Variants in IPMK observed in about 807,000 individuals in gnomAD.
IPMK encodes inositol 1,3,4,6-tetrakisphosphate 5-kinase.
Under a neutral mutation model 45.8 loss-of-function variants are expected in IPMK, and 17 were observed. The observed-to-expected ratio is 0.37, with a 90% CI of 0.25 to 0.56. The LOEUF is 0.56. Among genes scored for constraint, IPMK ranks in the 20% least tolerant of loss-of-function variants. IPMK has a pLI of 0.79. For synonymous variants in IPMK, 180 were observed against 184.3 expected, an observed-to-expected ratio of 0.98 and a Z score of 0.19; for missense variants, 399 against 498.0, an observed-to-expected ratio of 0.80 and a Z score of 1.89.
intron 2 of IPMK, among the ~76,000 whole-genome samples, chr10:58,231,409 T>C (rs758583028): frequency 1.3e-5 from 2 of 152,072 alleles, no homozygotes; most frequent in Non-Finnish European, 2.9e-5. Flanking sequence ...AAGGAAAAAG[T>C]GTCAAGGACA....
chr10:58,201,164 A>T (rs1314388954), intron 4 of IPMK, among the ~76,000 whole-genome samples: 1 of 152,216 alleles, frequency 6.6e-6, no homozygotes, highest in Non-Finnish European at 1.5e-5. Context: ...TAGAGAAAAA[A>T]TAAGTATAAT....
In IPMK at chr10:58,267,512, G is replaced by A; in HGVS notation, c.100C>T (p.Gln34Ter). ...AIESTPEGTPQPAGGRLRFLN... is the reference protein window; with the variant it reads ...AIESTPEGTP Reference sequence around the variant, plus strand: ...AAGCGGAGTCTGCCGCCCGCCGGCTGCGGGGTGCCCTCAGGGGTGGACTCG... The same window carrying A: ...AAGCGGAGTCTGCCGCCCGCCGGCTACGGGGTGCCCTCAGGGGTGGACTCG... Residue 34 changes from glutamine to a stop codon, truncating the protein, a stop_gained, in exon 1 of 6, where the codon CAG becomes TAG. Transcript: ENST00000373935. LOFTEE classifies it high-confidence loss of function. The A allele has an allele frequency of 6.2e-7, 1 of 1,613,344 alleles. No homozygotes were observed.
At chr10:58,224,682 T>C (rs1324019587) in intron 3 of IPMK, among the ~76,000 whole-genome samples, 1 of 152,204 alleles carries the variant, frequency 6.6e-6, no homozygotes, top group Non-Finnish European at 1.5e-5. Context: ...AGCATTTTAC[T>C]ACTTTGGATT....
chr10:58,196,061 A>G lies in IPMK; in HGVS notation c.*15T>C. 1 of 1,599,138 alleles carries G rather than the reference A, an allele frequency of 6.3e-7. No homozygotes were observed. ...TATGATTGGCCCACCCCTTAAAAAGACTGCAACAGAGGATTCAATTGTCTA... is the reference window on the plus strand; with the variant it reads ...TATGATTGGCCCACCCCTTAAAAAGGCTGCAACAGAGGATTCAATTGTCTA... On this transcript the variant is annotated 3_prime_UTR_variant, in exon 6 of 6. Transcript: ENST00000373935.
intron 4 of IPMK, among the ~76,000 whole-genome samples, chr10:58,206,704 T>C (rs1045616636): frequency 2.0e-5 from 3 of 152,132 alleles, no homozygotes; most frequent in Admixed American, 6.5e-5. Flanking sequence ...TCAGTGGTGA[T>C]TTCTGAGATC....
At chr10:58,235,202 C>T (rs1211537445) in intron 2 of IPMK, among the ~76,000 whole-genome samples, 2 of 152,190 alleles carry the variant, frequency 1.3e-5, no homozygotes, top group Admixed American at 1.3e-4. Context: ...AATAGGAACA[C>T]TTTTACACTG....
chr10:58,199,320 A>G lies in IPMK; in HGVS notation c.548T>C (p.Val183Ala). 6.3e-7 allele frequency: 1 copy of G among 1,597,818 alleles called. No individual in the cohort carries two copies. The highest frequency in any genetic ancestry group is 8.5e-7 in the Non-Finnish European group (1 of 1,171,228). ...EIGFLVLGMR[V>A]YHVHSDSYET... ...ATAGCTATCGGAATGAACATGATAA[A>G]CCTGTCAAAAAAAGCAGTGAATATT... The change falls in exon 5 of 6, where the codon GTT (valine) becomes GCT (alanine). Residue 183 changes from valine to alanine, a missense_variant and splice_region_variant. Coordinates refer to ENST00000373935, the MANE Select transcript of IPMK (RefSeq NM_152230.5).
rs1284563976 is a variant in IPMK, at chr10:58,198,948, C to T, written c.628+292G>A. On this transcript the variant is annotated intron_variant, in intron 5 of 5. Coordinates refer to ENST00000373935, the MANE Select transcript of IPMK (RefSeq NM_152230.5). ...TACAAAATAATTTTATACACAACCT[C>T]TAGTTCCAGTATTGAGTTAGATGGC... Among the ~76,000 whole-genome samples, 4 of 151,952 alleles carry T rather than the reference C, an allele frequency of 2.6e-5. No individual in the cohort carries two copies. In the East Asian group the frequency reaches 5.8e-4, roughly 22 times the overall value.
intron 4 of IPMK, among the ~76,000 whole-genome samples, chr10:58,206,467 C>T (rs1480624757): frequency 2.6e-5 from 4 of 152,258 alleles, no homozygotes; most frequent in Admixed American, 6.5e-5. Flanking sequence ...AATGACATCT[C>T]GCTAAAGCTA....
chr10:58,221,418 T>G (rs938441899), intron 3 of IPMK, among the ~76,000 whole-genome samples: 1 of 151,992 alleles, frequency 6.6e-6, no homozygotes, highest in African/African-American at 2.4e-5. Context: ...AGGTTATAGA[T>G]AGTAAAGATT....
chr10:58,227,359 C>T lies in IPMK; in HGVS notation c.277-220G>A, dbSNP rs560078806. On this transcript the variant is annotated intron_variant, in intron 2 of 5. Coordinates refer to ENST00000373935, the MANE Select transcript of IPMK (RefSeq NM_152230.5). ...TTATCTAATTCTAGCCTTTTACTAT[C>T]GAACTATTTTACAACTTTGTAAGTT... Among the ~76,000 whole-genome samples, 21 of 152,220 alleles carry T rather than the reference C, an allele frequency of 1.4e-4. 1 individual carries two copies. The South Asian group carries it at 3.9e-3, about 29-fold the overall frequency.
intron 5 of IPMK, among the ~76,000 whole-genome samples, chr10:58,198,989 C>T (rs796961389): frequency 3.4e-4 from 51 of 151,824 alleles, no homozygotes; most frequent in African/African-American, 1.2e-3. Context: ...CACAGCTGTT[C>T]ATTTTTTTTT....
intron 3 of IPMK, among the ~76,000 whole-genome samples, chr10:58,216,520 T>C (rs1273612302): frequency 6.7e-6 from 1 of 150,206 alleles, no homozygotes; most frequent in African/African-American, 2.4e-5. Flanking sequence ...AGAGAAGCTC[T>C]TGCAGGAGGT....
chr10:58,226,607 T>G (rs1838419587), intron 3 of IPMK, among the ~76,000 whole-genome samples: 1 of 152,172 alleles, frequency 6.6e-6, no homozygotes, highest in African/African-American at 2.4e-5. Context: ...TTATTCTCTA[T>G]GAAACTTACC....
intron 2 of IPMK, among the ~76,000 whole-genome samples, chr10:58,234,140 A>G (rs1838571524): frequency 6.6e-6 from 1 of 152,204 alleles, no homozygotes; most frequent in Non-Finnish European, 1.5e-5. Flanking sequence ...GGAGAACTAC[A>G]AACCACCGCT....
At chr10:58,225,189 A>G (rs903349791) in intron 3 of IPMK, among the ~76,000 whole-genome samples, 4 of 152,174 alleles carry the variant, frequency 2.6e-5, no homozygotes, top group Non-Finnish European at 5.9e-5. Context: ...AGGAGCACCA[A>G]TATCTCCATT....
chr10:58,191,552 TAC>T lies in IPMK; in HGVS notation c.*4522_*4523del, dbSNP rs1379888936. On this transcript the variant is annotated 3_prime_UTR_variant, in exon 6 of 6. Transcript: ENST00000373935. ...AAACATTTTAATAGGTTGTCAAATA[TAC>T]AGTTATTAGAATTATGTAAATATCA... The T allele has an allele frequency of 3.3e-5, 5 of 152,254 alleles. No homozygotes were observed. Among genetic ancestry groups the T allele is most frequent in the East Asian group, 1.9e-4 (1 of 5,182 alleles). 9.4% of individuals were successfully genotyped at this position (152,254 alleles called of 1,614,324 possible).
intron 1 of IPMK, among the ~76,000 whole-genome samples, chr10:58,266,652 G>C (rs1246316248): frequency 6.6e-6 from 1 of 152,124 alleles, no homozygotes; most frequent in Non-Finnish European, 1.5e-5. Context: ...GAACCACTAC[G>C]GGTAAACTAG....
At chr10:58,244,083 G>A (rs1306066723) in intron 1 of IPMK, among the ~76,000 whole-genome samples, 13 of 145,120 alleles carry the variant, frequency 9.0e-5, no homozygotes, top group East Asian at 2.1e-4. Flanking sequence ...GGTGGGGAAC[G>A]TCTCTGCCCG....
Sources: gnomAD v4.1 joint callset for allele counts (sites outside exome capture counted in the v4.1 genomes callset) on GRCh38, gnomAD v4.1.1 for gene constraint, MANE v1.5 for transcripts, NCBI Gene and HGNC (gene_info 2026-07-23, HGNC 2026-07-21) for gene names.